The following RPH3A variants were observed in gnomAD, a reference collection of about 807,000 sequenced individuals.
RPH3A encodes the protein rabphilin-3A.
A neutral mutation model predicts 102.2 loss-of-function variants in RPH3A; 48 were observed. That is an observed-to-expected ratio of 0.47 (90% CI 0.37 to 0.60). RPH3A has a LOEUF of 0.60. Among genes scored for constraint, RPH3A ranks in the 20% least tolerant of loss-of-function variants. The pLI is 0.00. For synonymous variants in RPH3A, 310 were observed against 324.3 expected, an observed-to-expected ratio of 0.96 and a Z score of 0.47; for missense variants, 781 against 910.1, an observed-to-expected ratio of 0.86 and a Z score of 1.83.
chr12:112,896,556 A>C, intron 21 of RPH3A, 94 bp from the exon 22 acceptor site: 1 of 1,467,848 alleles, frequency 6.8e-7, no homozygotes, highest in Non-Finnish European at 9.4e-7. Flanking sequence ...GCTGGGGGTC[A>C]CTGCTTGGTG....
intron 1 of RPH3A, among the ~76,000 whole-genome samples, chr12:112,739,147 C>G (rs2040690181): frequency 2.0e-5 from 3 of 152,218 alleles, no homozygotes; most frequent in African/African-American, 7.2e-5. Flanking sequence ...CACATTTCTT[C>G]TCTGCCAACC....
At chr12:112,782,729 TG>T (rs1172428305) in intron 1 of RPH3A, among the ~76,000 whole-genome samples, 1 of 152,362 alleles carries the variant, frequency 6.6e-6, no homozygotes, top group East Asian at 1.9e-4. Context: ...CAGCTTTTCA[TG>T]GATATACCAA....
chr12:112,684,545 G>A (rs935265608), intron 1 of RPH3A, among the ~76,000 whole-genome samples: 2 of 152,056 alleles, frequency 1.3e-5, no homozygotes, highest in Non-Finnish European at 2.9e-5. Flanking sequence ...TGGAGTTACA[G>A]GCATGAGCAA....
At chr12:112,584,586 G>A (rs2039425315) in intron 1 of RPH3A, among the ~76,000 whole-genome samples, 4 of 152,208 alleles carry the variant, frequency 2.6e-5, no homozygotes, top group Admixed American at 1.3e-4. Flanking sequence ...TCATTCCTGG[G>A]CGTGATGGCT....
chr12:112,827,646 A>G (rs2041900898), intron 2 of RPH3A, among the ~76,000 whole-genome samples: 1 of 152,150 alleles, frequency 6.6e-6, no homozygotes, highest in Admixed American at 6.5e-5. Flanking sequence ...AAAGATCAAG[A>G]CAATACCATT....
intron 1 of RPH3A, among the ~76,000 whole-genome samples, chr12:112,684,836 G>A (rs957285300): frequency 3.3e-5 from 5 of 152,200 alleles, no homozygotes. Context: ...TCACAGGTCT[G>A]TAGGCTGGAA....
At chr12:112,894,741 T>C (rs2043152637) in intron 20 of RPH3A, 82 bp downstream of exon 20, 13 of 1,161,878 alleles carry the variant, frequency 1.1e-5, no homozygotes, top group Admixed American at 2.4e-5. Context: ...AGCCATTAAA[T>C]ATGTGGCCAC....
intron 1 of RPH3A, among the ~76,000 whole-genome samples, chr12:112,621,348 C>CA (rs1365833180): frequency 7.3e-5 from 11 of 149,916 alleles, no homozygotes; most frequent in African/African-American, 1.2e-4. Flanking sequence ...CCAGTGGGTG[C>CA]GCGCACCGTG....
chr12:112,644,083 G>A (rs2039909640), intron 1 of RPH3A, among the ~76,000 whole-genome samples: 2 of 152,176 alleles, frequency 1.3e-5, no homozygotes. Context: ...TTTTAAGTGG[G>A]AGCTAAATAA....
chr12:112,869,084 T>A (rs572479205), intron 8 of RPH3A: 3 of 154,350 alleles, frequency 1.9e-5, no homozygotes, highest in African/African-American at 7.2e-5. Flanking sequence ...ATCACTATTA[T>A]CCAAGTATTA....
At chr12:112,634,831 A>G (rs2039836906) in intron 1 of RPH3A, among the ~76,000 whole-genome samples, 1 of 152,184 alleles carries the variant, frequency 6.6e-6, no homozygotes, top group African/African-American at 2.4e-5. Context: ...GAACTCTAAC[A>G]CTTGCTCCAA....
At chr12:112,654,126 C>G (rs1050361734) in intron 1 of RPH3A, among the ~76,000 whole-genome samples, 1 of 152,186 alleles carries the variant, frequency 6.6e-6, no homozygotes, top group Non-Finnish European at 1.5e-5. Flanking sequence ...CCTGAAGGAC[C>G]TGGCTGAGGC....
chr12:112,735,177 A>G (rs1432285746), intron 1 of RPH3A, among the ~76,000 whole-genome samples: 1 of 152,230 alleles, frequency 6.6e-6, no homozygotes, highest in Admixed American at 6.5e-5. Context: ...CGCCCAAGGA[A>G]GAAACACAAT....
chr12:112,867,393 C>T (rs2042629633), intron 7 of RPH3A, among the ~76,000 whole-genome samples: 1 of 152,152 alleles, frequency 6.6e-6, no homozygotes, highest in Non-Finnish European at 1.5e-5. Context: ...TTTCATCCCC[C>T]ATCCACTGCT....
chr12:112,670,285 T>G (rs895226637), intron 1 of RPH3A, among the ~76,000 whole-genome samples: 1 of 152,098 alleles, frequency 6.6e-6, no homozygotes, highest in Non-Finnish European at 1.5e-5. Flanking sequence ...TGGGTTCAAG[T>G]GATTCTTGTG....
At chr12:112,790,040 C>G (rs2041080919), upstream of RPH3A, among the ~76,000 whole-genome samples, 1 of 151,936 alleles carries the variant, frequency 6.6e-6, no homozygotes, top group Admixed American at 6.6e-5. Context: ...GCTTGGGTGA[C>G]AGAGTGAGAC....
At chr12:112,753,492 T>G (rs2040799607) in intron 1 of RPH3A, among the ~76,000 whole-genome samples, 1 of 152,124 alleles carries the variant, frequency 6.6e-6, no homozygotes, top group Non-Finnish European at 1.5e-5. Context: ...GGGTGATGGG[T>G]GCTGATCCTC....
At chr12:112,854,229 C>T (rs1015640620) in intron 5 of RPH3A, among the ~76,000 whole-genome samples, 2 of 152,240 alleles carry the variant, frequency 1.3e-5, no homozygotes, top group African/African-American at 4.8e-5. Context: ...AGACACTGCT[C>T]AGTGTCCCCG....
intron 1 of RPH3A, among the ~76,000 whole-genome samples, chr12:112,741,848 T>A (rs1039097219): frequency 6.6e-6 from 1 of 152,192 alleles, no homozygotes; most frequent in Non-Finnish European, 1.5e-5. Context: ...TGCCTTTTCC[T>A]ACACATAAGA....
Sources: gnomAD v4.1 joint callset for allele counts (sites outside exome capture counted in the v4.1 genomes callset) on GRCh38, gnomAD v4.1.1 for gene constraint, MANE v1.5 for transcripts, NCBI Gene and HGNC (gene_info 2026-07-23, HGNC 2026-07-21) for gene names.